Variants in EYS observed in about 807,000 individuals in gnomAD.
The protein encoded by EYS is protein eyes shut homolog.
In EYS, 250 loss-of-function variants were observed where a neutral mutation model predicts 282.1. The observed-to-expected ratio is 0.89, with a 90% CI of 0.80 to 0.98. The LOEUF is 0.98. Among genes scored for constraint, EYS ranks in the 50% least tolerant of loss-of-function variants. EYS has a pLI of 0.00. For missense variants in EYS, 4,016 were observed against 3,709.0 expected (o/e 1.08, Z -2.15); for synonymous variants, 1,355 against 1,282.9 (o/e 1.06, Z -1.20).
intron 26 of EYS, among the ~76,000 whole-genome samples, chr6:64,584,140 T>G (rs557556018): frequency 4.6e-5 from 7 of 152,108 alleles, no homozygotes; most frequent in African/African-American, 1.4e-4. Flanking sequence ...AAAACACATA[T>G]TTGCAAAAAC....
At chr6:65,629,734 A>C (rs946565618) in intron 2 of EYS, among the ~76,000 whole-genome samples, 1 of 151,848 alleles carries the variant, frequency 6.6e-6, no homozygotes, top group African/African-American at 2.4e-5. Flanking sequence ...CCTACAATTA[A>C]ACCTCCTTCT....
intron 19 of EYS, among the ~76,000 whole-genome samples, chr6:64,841,639 G>C (rs1168676201): frequency 6.6e-6 from 1 of 152,120 alleles, no homozygotes; most frequent in African/African-American, 2.4e-5. Flanking sequence ...ACATCAACAG[G>C]AAGTGATATG....
intron 2 of EYS, among the ~76,000 whole-genome samples, chr6:65,560,355 TATAAC>T (rs1191291373): frequency 1.4e-5 from 2 of 142,984 alleles, no homozygotes; most frequent in African/African-American, 5.0e-5. Context: ...TTGTATATAA[TATAAC>T]ATAAAATAAT....
At chr6:64,464,120 C>A (rs1775844079) in intron 26 of EYS, among the ~76,000 whole-genome samples, 1 of 152,190 alleles carries the variant, frequency 6.6e-6, no homozygotes, top group South Asian at 2.1e-4. Flanking sequence ...GGGATTTATC[C>A]CAGGGATACA....
intron 26 of EYS, among the ~76,000 whole-genome samples, chr6:64,547,760 C>T (rs1003983086): frequency 3.3e-5 from 5 of 152,190 alleles, no homozygotes; most frequent in African/African-American, 7.2e-5. Flanking sequence ...TGGGACTGGG[C>T]GCTGTGGAGC....
chr6:65,672,627 C>A (rs1768428712), intron 1 of EYS, among the ~76,000 whole-genome samples: 1 of 152,112 alleles, frequency 6.6e-6, no homozygotes, highest in South Asian at 2.1e-4. Flanking sequence ...TATCAAAAAA[C>A]TATCTCCAGA....
chr6:64,522,464 G>A (rs1777774643), intron 26 of EYS, among the ~76,000 whole-genome samples: 1 of 151,684 alleles, frequency 6.6e-6, no homozygotes, highest in Non-Finnish European at 1.5e-5. Context: ...TGCATCCAGA[G>A]TAAGTAAGTT....
intron 36 of EYS, among the ~76,000 whole-genome samples, chr6:63,830,524 A>G (rs1010323411): frequency 6.6e-6 from 1 of 152,200 alleles, no homozygotes; most frequent in African/African-American, 2.4e-5. Flanking sequence ...TAGAGAAAAA[A>G]GAGTAAAAAG....
intron 35 of EYS, among the ~76,000 whole-genome samples, chr6:63,961,324 A>G (rs903306923): frequency 6.6e-6 from 1 of 152,166 alleles, no homozygotes; most frequent in Non-Finnish European, 1.5e-5. Context: ...AACTGATGAA[A>G]TTCCACCATC....
intron 26 of EYS, among the ~76,000 whole-genome samples, chr6:64,458,463 GT>G (rs1191152156): frequency 6.6e-6 from 1 of 150,458 alleles, no homozygotes; most frequent in Non-Finnish European, 1.5e-5. Context: ...TTAATAATTT[GT>G]TTTTTTTCTT....
At chr6:64,309,144 C>T (rs976689351) in intron 29 of EYS, among the ~76,000 whole-genome samples, 1 of 151,890 alleles carries the variant, frequency 6.6e-6, no homozygotes, top group African/African-American at 2.4e-5. Flanking sequence ...TCAGCAATGG[C>T]ATAAAAGTAT....
At chr6:65,546,185 G>GTTTTTT (rs5876969) in intron 2 of EYS, among the ~76,000 whole-genome samples, 1 of 126,864 alleles carries the variant, frequency 7.9e-6, no homozygotes, top group Non-Finnish European at 1.6e-5. Flanking sequence ...CATCTGTCTA[G>GTTTTTT]TTTTTTTTTT....
At chr6:64,966,666 A>C (rs192056431) in intron 14 of EYS, among the ~76,000 whole-genome samples, 1 of 152,302 alleles carries the variant, frequency 6.6e-6, no homozygotes. Flanking sequence ...CTGTAAAGAC[A>C]ACAGTGTAAC....
chr6:64,245,074 A>C (rs1766968797), intron 30 of EYS, among the ~76,000 whole-genome samples: 1 of 148,452 alleles, frequency 6.7e-6, no homozygotes. Flanking sequence ...GAGAACATGC[A>C]GTGTTGGGTT....
intron 12 of EYS, among the ~76,000 whole-genome samples, chr6:65,207,796 A>G (rs1345469827): frequency 6.6e-6 from 1 of 151,826 alleles, no homozygotes; most frequent in African/African-American, 2.4e-5. Flanking sequence ...CCATTTAAAA[A>G]ATGGTGATGG....
chr6:64,807,375 C>T (rs1043574012), intron 22 of EYS, among the ~76,000 whole-genome samples: 6 of 152,066 alleles, frequency 3.9e-5, no homozygotes, highest in African/African-American at 1.2e-4. Flanking sequence ...CTCCTTAGGC[C>T]TTTGCCTTGT....
intron 18 of EYS, among the ~76,000 whole-genome samples, chr6:64,895,317 T>C (rs1325357454): frequency 2.0e-5 from 3 of 152,228 alleles, no homozygotes; most frequent in African/African-American, 7.2e-5. Flanking sequence ...TATTTTGTGT[T>C]CTAATTAGTG....
chr6:65,673,589 C>T (rs1256125672), intron 1 of EYS, among the ~76,000 whole-genome samples: 1 of 152,036 alleles, frequency 6.6e-6, no homozygotes, highest in Admixed American at 6.6e-5. Context: ...AAGTTGGAGG[C>T]TGAGCTTGAT....
At chr6:64,640,001 C>A (rs555936051) in intron 22 of EYS, among the ~76,000 whole-genome samples, 15 of 138,086 alleles carry the variant, frequency 1.1e-4, no homozygotes, top group African/African-American at 1.1e-4. Context: ...AAATGCAAAT[C>A]GAAACCACAA....
Sources: allele counts gnomAD v4.1 joint callset (sites outside exome capture counted in the v4.1 genomes callset), GRCh38; gene constraint gnomAD v4.1.1; transcripts MANE v1.5; gene names NCBI Gene and HGNC (gene_info 2026-07-23, HGNC 2026-07-21).